Variants in PABPC4L observed in about 807,000 individuals in gnomAD.
PABPC4L encodes the protein polyadenylate-binding protein 4-like.
For missense variants in PABPC4L, 452 were observed against 451.4 expected, an observed-to-expected ratio of 1.00 and a Z score of -0.01; for synonymous variants, 169 against 164.1, an observed-to-expected ratio of 1.03 and a Z score of -0.23.
the PABPC4L span, among the ~76,000 whole-genome samples, chr4:134,168,539 A>C: frequency 6.6e-6 from 1 of 151,936 alleles, no homozygotes; most frequent in African/African-American, 2.4e-5. Flanking sequence ...AACTACGAAA[A>C]AAAGAGAGAA....
chr4:134,016,492 T>G, the PABPC4L span, among the ~76,000 whole-genome samples: 1 of 152,158 alleles, frequency 6.6e-6, no homozygotes, highest in African/African-American at 2.4e-5. Context: ...GCTGATAAGA[T>G]AGCTAAAAAA....
At chr4:133,978,779 A>G in the PABPC4L span, 164 of 152,164 alleles carry the variant, frequency 1.1e-3, no homozygotes, top group African/African-American at 3.7e-3. Context: ...TATATTCCCT[A>G]ACTTAAGTTT....
At chr4:134,015,677 AAAC>A in the PABPC4L span, among the ~76,000 whole-genome samples, 2 of 152,034 alleles carry the variant, frequency 1.3e-5, no homozygotes, top group Admixed American at 6.6e-5. Context: ...ATCCCTTACA[AAAC>A]AACAACTCCT....
the PABPC4L span, among the ~76,000 whole-genome samples, chr4:134,057,945 A>T: frequency 6.6e-6 from 1 of 152,084 alleles, no homozygotes; most frequent in African/African-American, 2.4e-5. Flanking sequence ...AAATTAAAAT[A>T]ATTCTTATGA....
chr4:134,187,436 C>A, the PABPC4L span, among the ~76,000 whole-genome samples: 1 of 151,388 alleles, frequency 6.6e-6, no homozygotes, highest in African/African-American at 2.4e-5. Flanking sequence ...AGCAAAGTAT[C>A]GCAAGGACAG....
the PABPC4L span, among the ~76,000 whole-genome samples, chr4:134,047,822 T>C: frequency 6.6e-6 from 1 of 151,458 alleles, no homozygotes; most frequent in African/African-American, 2.4e-5. Flanking sequence ...TTTTTTTTTT[T>C]TTCTGATATG....
the PABPC4L span, among the ~76,000 whole-genome samples, chr4:134,124,998 C>T: frequency 7.2e-5 from 11 of 152,104 alleles, no homozygotes; most frequent in East Asian, 3.9e-4. Context: ...AAGACCACAC[C>T]GGTAATCTGA....
the PABPC4L span, among the ~76,000 whole-genome samples, chr4:134,150,548 C>A: frequency 6.6e-6 from 1 of 152,068 alleles, no homozygotes; most frequent in Non-Finnish European, 1.5e-5. Context: ...GCAAATTTCA[C>A]TTTAAAAAAA....
At chr4:133,957,885 G>A in the PABPC4L span, among the ~76,000 whole-genome samples, 1 of 152,168 alleles carries the variant, frequency 6.6e-6, no homozygotes, top group African/African-American at 2.4e-5. Flanking sequence ...TGGGATGCTG[G>A]GTGCCATGTC....
At chr4:134,095,536 A>T in the PABPC4L span, among the ~76,000 whole-genome samples, 1 of 152,006 alleles carries the variant, frequency 6.6e-6, no homozygotes, top group Admixed American at 6.6e-5. Flanking sequence ...TATATTCTTT[A>T]TACTTACTAG....
At chr4:134,003,184 T>C in the PABPC4L span, among the ~76,000 whole-genome samples, 1 of 151,920 alleles carries the variant, frequency 6.6e-6, no homozygotes, top group African/African-American at 2.4e-5. Flanking sequence ...TCTCACAGTG[T>C]CCTTAACAAA....
At chr4:133,956,287 T>C in the PABPC4L span, among the ~76,000 whole-genome samples, 3 of 152,196 alleles carry the variant, frequency 2.0e-5, no homozygotes, top group African/African-American at 7.2e-5. Context: ...CACTTTATTT[T>C]CTCTTAAAAG....
the PABPC4L span, among the ~76,000 whole-genome samples, chr4:134,167,109 C>G: frequency 1.3e-5 from 2 of 152,156 alleles, no homozygotes; most frequent in African/African-American, 4.8e-5. Flanking sequence ...TGAAACTGCT[C>G]TGTGTGACAC....
At chr4:134,144,254 C>T in the PABPC4L span, among the ~76,000 whole-genome samples, 1 of 151,626 alleles carries the variant, frequency 6.6e-6, no homozygotes, top group Non-Finnish European at 1.5e-5. Flanking sequence ...AGAAGTTCAA[C>T]TGAACAATTG....
chr4:133,998,181 C>A, the PABPC4L span, among the ~76,000 whole-genome samples: 38 of 151,632 alleles, frequency 2.5e-4, no homozygotes, highest in Non-Finnish European at 4.7e-4. Context: ...ATTATATTCT[C>A]TATTTTCATT....
At chr4:134,081,227 G>A in the PABPC4L span, among the ~76,000 whole-genome samples, 3 of 152,128 alleles carry the variant, frequency 2.0e-5, no homozygotes, top group Non-Finnish European at 4.4e-5. Context: ...GATGTTTTGT[G>A]AATAGATGTG....
chr4:134,038,737 G>T, the PABPC4L span, among the ~76,000 whole-genome samples: 1 of 151,734 alleles, frequency 6.6e-6, no homozygotes, highest in East Asian at 1.9e-4. Flanking sequence ...TCTGGCTAGG[G>T]GTCTATCTAT....
chr4:134,073,764 C>T, the PABPC4L span, among the ~76,000 whole-genome samples: 2 of 152,320 alleles, frequency 1.3e-5, no homozygotes, highest in African/African-American at 4.8e-5. Flanking sequence ...TCTGTGAGCC[C>T]TCTAACACAA....
At chr4:134,053,666 C>T in the PABPC4L span, among the ~76,000 whole-genome samples, 2 of 151,982 alleles carry the variant, frequency 1.3e-5, no homozygotes, top group African/African-American at 4.8e-5. Flanking sequence ...ATATGAGCAT[C>T]GTTTCAAGTT....
Sources: gnomAD v4.1 joint callset for allele counts (sites outside exome capture counted in the v4.1 genomes callset) on GRCh38, gnomAD v4.1.1 for gene constraint, MANE v1.5 for transcripts, NCBI Gene and HGNC (gene_info 2026-07-23, HGNC 2026-07-21) for gene names.